DLGAP2: variants seen among roughly 807,000 people sequenced by gnomAD.
DLGAP2 encodes disks large-associated protein 2.
A neutral mutation model predicts 100.3 loss-of-function variants in DLGAP2; 26 were observed. The observed-to-expected ratio is 0.26, with a 90% confidence interval of 0.19 to 0.36. DLGAP2 has a LOEUF of 0.36. DLGAP2 is among the 10% of genes least tolerant of loss of function. The pLI is 1.00. For missense variants in DLGAP2, 1,858 were observed against 1,453.2 expected, an observed-to-expected ratio of 1.28 and a Z score of -4.53; for synonymous variants, 886 against 630.1, an observed-to-expected ratio of 1.41 and a Z score of -6.08.
At chr8:938,110 A>G (rs891672348) in intron 2 of DLGAP2, among the ~76,000 whole-genome samples, 2 of 152,158 alleles carry the variant, frequency 1.3e-5, no homozygotes, top group East Asian at 3.9e-4. Flanking sequence ...TTAGGACATC[A>G]AACGTGCAGT....
chr8:1,354,717 A>G (rs79923857), intron 3 of DLGAP2, among the ~76,000 whole-genome samples: 1 of 2 alleles, frequency 0.5, no homozygotes, highest in Non-Finnish European at 0.5. Flanking sequence ...CTGCGGATGA[A>G]GGTGGAAAGT....
chr8:1,617,121 A>T (rs1306502611), intron 6 of DLGAP2, among the ~76,000 whole-genome samples: 4 of 151,762 alleles, frequency 2.6e-5, no homozygotes, highest in African/African-American at 9.7e-5. Flanking sequence ...CATTTTCTTT[A>T]TCTGTCTACC....
At chr8:1,068,185 T>C (rs1404514408) in intron 2 of DLGAP2, among the ~76,000 whole-genome samples, 2 of 152,222 alleles carry the variant, frequency 1.3e-5, no homozygotes, top group East Asian at 3.9e-4. Flanking sequence ...TGAATGCTCA[T>C]AGTTTATCTG....
intron 8 of DLGAP2, among the ~76,000 whole-genome samples, chr8:1,638,371 C>T (rs775620842): frequency 6.6e-6 from 1 of 151,996 alleles, no homozygotes; most frequent in Non-Finnish European, 1.5e-5. Context: ...TGTGAGGACC[C>T]GGGGAGAAGA....
chr8:1,255,279 C>T (rs1485319817), intron 2 of DLGAP2, among the ~76,000 whole-genome samples: 1 of 100,086 alleles, frequency 1.0e-5, no homozygotes, highest in Non-Finnish European at 1.8e-5. Context: ...GTGTCCTCTC[C>T]TGCCTGGGTG....
chr8:922,631 C>A (rs1798739040), intron 2 of DLGAP2, among the ~76,000 whole-genome samples: 1 of 152,158 alleles, frequency 6.6e-6, no homozygotes, highest in South Asian at 2.1e-4. Context: ...TGATTATTTG[C>A]AACCATGAAC....
chr8:1,682,722 C>A (rs1200748619), intron 12 of DLGAP2, among the ~76,000 whole-genome samples: 1 of 151,482 alleles, frequency 6.6e-6, no homozygotes, highest in Non-Finnish European at 1.5e-5. Context: ...GATCTGCCCC[C>A]CTTGCCCTTG....
chr8:943,546 T>C lies in DLGAP2; in HGVS notation c.73+35580T>C, dbSNP rs576403008. The stretch of plus-strand genomic sequence containing the variant: ...AAGATCATGTGGAGGAGGTGGCGTG[T>C]GGACGTCGTGATGTGGCCATCCCGC... On this transcript the variant is annotated intron_variant, in intron 2 of 14. Coordinates refer to ENST00000637795, the MANE Select transcript of DLGAP2 (RefSeq NM_001346810.2). Among the ~76,000 whole-genome samples, 4 of 151,490 alleles carry C rather than the reference T, an allele frequency of 2.6e-5. No individual in the cohort carries two copies. The East Asian group carries it at 5.9e-4, about 22-fold the overall frequency.
intron 1 of DLGAP2, among the ~76,000 whole-genome samples, chr8:779,471 T>C (rs969025721): frequency 1.3e-5 from 2 of 151,240 alleles, no homozygotes; most frequent in African/African-American, 4.9e-5. Context: ...TTCTTTCTTT[T>C]TTTTTTTTTT....
intron 2 of DLGAP2, among the ~76,000 whole-genome samples, chr8:1,058,822 C>T (rs534075226): frequency 1.3e-5 from 2 of 152,310 alleles, no homozygotes; most frequent in South Asian, 4.1e-4. Context: ...CAGGAAACAC[C>T]TTGTGGTGTG....
At chr8:1,261,874 C>G (rs1799357182) in intron 3 of DLGAP2, among the ~76,000 whole-genome samples, 1 of 152,226 alleles carries the variant, frequency 6.6e-6, no homozygotes, top group Non-Finnish European at 1.5e-5. Context: ...TGCGAGTTAA[C>G]TCATAAATGT....
chr8:835,536 T>C (rs1173138075), intron 1 of DLGAP2, among the ~76,000 whole-genome samples: 2 of 151,772 alleles, frequency 1.3e-5, no homozygotes, highest in African/African-American at 4.8e-5. Flanking sequence ...GTGGTGGCTT[T>C]GTAGTCCGTG....
intron 2 of DLGAP2, among the ~76,000 whole-genome samples, chr8:1,222,675 G>A (rs1206716562): frequency 6.6e-6 from 1 of 152,166 alleles, no homozygotes; most frequent in Non-Finnish European, 1.5e-5. Context: ...ATGCTGGCAG[G>A]GGAAAGCTGT....
At chr8:1,333,945 CG>C (rs1801215021) in intron 3 of DLGAP2, among the ~76,000 whole-genome samples, 1 of 152,234 alleles carries the variant, frequency 6.6e-6, no homozygotes, top group Admixed American at 6.5e-5. Context: ...GGCGCATATG[CG>C]GTGGCACAGG....
intron 8 of DLGAP2, among the ~76,000 whole-genome samples, chr8:1,656,801 C>A (rs1424683111): frequency 6.6e-6 from 1 of 152,204 alleles, no homozygotes; most frequent in Non-Finnish European, 1.5e-5. Context: ...TGCCCCAAGT[C>A]ATTCCATTGG....
At chr8:1,137,630 G>A (rs914102593) in intron 2 of DLGAP2, 7 of 152,048 alleles carry the variant, frequency 4.6e-5, no homozygotes, top group South Asian at 2.1e-4. Flanking sequence ...TTCACAGCCC[G>A]GGTCACTGTC....
At chr8:1,576,357 T>G (rs1360585340) in intron 6 of DLGAP2, among the ~76,000 whole-genome samples, 1 of 152,226 alleles carries the variant, frequency 6.6e-6, no homozygotes, top group Non-Finnish European at 1.5e-5. Flanking sequence ...CTTTGTAGAT[T>G]CTGGATATTA....
intron 3 of DLGAP2, among the ~76,000 whole-genome samples, chr8:1,454,769 G>T (rs1301739478): frequency 1.3e-5 from 2 of 152,190 alleles, no homozygotes; most frequent in African/African-American, 4.8e-5. Flanking sequence ...GAACAGGCAG[G>T]TAGAAAAGGA....
At chr8:1,234,978 C>T (rs1473875587) in intron 2 of DLGAP2, among the ~76,000 whole-genome samples, 3 of 151,978 alleles carry the variant, frequency 2.0e-5, no homozygotes, top group Admixed American at 6.6e-5. Context: ...CTAGTTCTCT[C>T]ACGCATAGCA....
Sources: allele counts gnomAD v4.1 joint callset (sites outside exome capture counted in the v4.1 genomes callset), GRCh38; gene constraint gnomAD v4.1.1; transcripts MANE v1.5; gene names NCBI Gene and HGNC (gene_info 2026-07-23, HGNC 2026-07-21).